Variants in FHL1 observed in about 807,000 individuals in gnomAD.
FHL1 encodes the protein four and a half LIM domains protein 1.
FHL1 carries 1 observed loss-of-function variant against 20.3 expected under a neutral mutation model. The ratio of observed to expected loss-of-function variants is 0.05; its 90% CI spans 0.02 to 0.23. The LOEUF is 0.23. FHL1 is among the 10% of genes least tolerant of loss of function. The pLI is 1.00. For synonymous variants in FHL1, 82 were observed against 88.9 expected (o/e 0.92, Z 0.44); for missense variants, 177 against 234.0 (o/e 0.76, Z 1.59).
rs763012291 is a variant in FHL1 at position 136,207,927 on chromosome X, C to T, written c.515C>T (p.Thr172Ile). The change falls in exon 4 of 6, where the codon ACC becomes ATC. Residue 172 changes from threonine to isoleucine, a missense_variant. By Grantham distance (89) the Thr-to-Ile change is moderately conservative (BLOSUM62 -1). Coordinates refer to ENST00000370683, the MANE Select transcript of FHL1 (RefSeq NM_001159699.2). ...EDFYCVTCHETKFAKHCVKCN... is the reference protein window; with the variant it reads ...EDFYCVTCHEIKFAKHCVKCN... ...TTCTACTGCGTGACTTGCCATGAGA[C>T]CAAGTTTGCCAAGCATTGCGTGAAG... 4 of 1,212,216 alleles carry T rather than the reference C, an allele frequency of 3.3e-6. No individual in the cohort carries two copies. The highest frequency in any genetic ancestry group is 4.5e-6 in the Non-Finnish European group (4 of 895,587).
chrX:136,208,783 C>G (rs1354654877), intron 5 of FHL1, 142 bp downstream of exon 5: 3 of 615,501 alleles, frequency 4.9e-6, no homozygotes, highest in Non-Finnish European at 8.0e-6. Context: ...CCAAAGGCCC[C>G]CCAAGAGTTT....
chrX:136,162,780 A>G (rs1215887797), intron 1 of FHL1, among the ~76,000 whole-genome samples: 3 of 112,071 alleles, frequency 2.7e-5, no homozygotes, highest in Middle Eastern at 4.6e-3. Flanking sequence ...AGCCTCTGCC[A>G]TACAATAGAT....
Position 136,206,471 on chromosome X carries a change from C to T in FHL1, c.87C>T (p.Pro29=). 8 of 1,212,390 alleles carry T rather than the reference C, an allele frequency of 6.6e-6. No homozygotes were observed. The highest frequency in any genetic ancestry group is 8.9e-6 in the Non-Finnish European group (8 of 895,638). The change falls in exon 2 of 6, where the codon CCC becomes CCT. Residue 29 remains proline (P), a synonymous_variant. Coordinates refer to ENST00000370683, the MANE Select transcript of FHL1 (RefSeq NM_001159699.2). The part of the protein sequence containing the change: ...EKFDCHYCRD[P]LQGKKYVQKD... ...TTGACTGCCACTACTGCAGGGATCC[C>T]TTGCAGGGGAAGAAGTATGTGCAAA...
At chrX:136,172,501 TCTCTA>T (rs762109375) in intron 2 of FHL1, among the ~76,000 whole-genome samples, 143 of 112,230 alleles carry the variant, frequency 1.3e-3, no homozygotes, top group Non-Finnish European at 2.4e-3. Context: ...CAAGTCCCCA[TCTCTA>T]CTCTATTCTT....
intron 2 of FHL1, among the ~76,000 whole-genome samples, chrX:136,186,881 TAGATAGATAGATAG>T (rs1404518654): frequency 1.5e-3 from 9 of 5,990 alleles, no homozygotes; most frequent in Admixed American, 2.7e-3. Context: ...TATATATATA[TAGATAGATAGATAG>T]ATAGATAGAT....
intron 4 of FHL1, 81 bp from the exon 5 acceptor site, chrX:136,208,374 C>G: frequency 9.4e-7 from 1 of 1,061,374 alleles, no homozygotes; most frequent in Non-Finnish European, 1.3e-6. Context: ...ACCAAAGCGC[C>G]CAGCACAGTG....
At chrX:136,150,166 C>A (rs1440136886) in intron 1 of FHL1, among the ~76,000 whole-genome samples, 1 of 112,188 alleles carries the variant, frequency 8.9e-6, no homozygotes, top group East Asian at 2.8e-4. Context: ...GGATCAAATT[C>A]TCTTGCTAGA....
intron 1 of FHL1, among the ~76,000 whole-genome samples, chrX:136,155,214 C>T: frequency 9.0e-6 from 1 of 111,455 alleles, no homozygotes. Context: ...TCACATTCAT[C>T]TGCCACTGCA....
intron 1 of FHL1, among the ~76,000 whole-genome samples, chrX:136,205,362 GACTC>G (rs1274156953): frequency 3.6e-5 from 4 of 111,489 alleles, no homozygotes; most frequent in Non-Finnish European, 7.5e-5. Context: ...ATTTTTTCCA[GACTC>G]TATTTTAAGA....
chrX:136,148,635 G>A (rs755268934), intron 1 of FHL1: 6 of 111,518 alleles, frequency 5.4e-5, no homozygotes, highest in Non-Finnish European at 1.1e-4. Context: ...TAGCGTCCAG[G>A]ACTAGGTAAA....
intron 2 of FHL1, among the ~76,000 whole-genome samples, chrX:136,189,171 G>T (rs1214995068): frequency 8.9e-6 from 1 of 112,094 alleles, no homozygotes; most frequent in East Asian, 2.8e-4. Flanking sequence ...CCCTTTCCTG[G>T]CAGGGAGGAT....
At chrX:136,198,989 T>C (rs1229991106) in intron 1 of FHL1, among the ~76,000 whole-genome samples, 2 of 111,612 alleles carry the variant, frequency 1.8e-5, no homozygotes, top group East Asian at 5.6e-4. Flanking sequence ...CTTCTTAAAA[T>C]ACAGAAGATT....
intron 5 of FHL1, chrX:136,209,162 G>A: frequency 1.0e-6 from 1 of 981,494 alleles, no homozygotes; most frequent in Admixed American, 2.9e-5. Flanking sequence ...CGTGCCCTGG[G>A]CCCTTTCCCT....
intron 3 of FHL1, chrX:136,207,402 C>T (rs958960449): frequency 2.0e-5 from 9 of 442,204 alleles, no homozygotes; most frequent in Non-Finnish European, 3.5e-5. Context: ...CTGGCGAGAA[C>T]AGCCTGTGGC....
intron 1 of FHL1, chrX:136,204,739 C>T (rs2073797398): frequency 8.9e-6 from 1 of 112,258 alleles, no homozygotes. Flanking sequence ...TGTTTGGAGG[C>T]TTGGTTCTGA....
chrX:136,186,570 T>G (rs1318901001), intron 2 of FHL1, among the ~76,000 whole-genome samples: 1 of 111,249 alleles, frequency 9.0e-6, no homozygotes, highest in Non-Finnish European at 1.9e-5. Context: ...AAAAAATGTA[T>G]ATATTTCAAG....
chrX:136,147,842 TGCGGGAC>T (rs1415573780), intron 1 of FHL1: 1 of 105,144 alleles, frequency 9.5e-6, no homozygotes, highest in Non-Finnish European at 2.0e-5. Flanking sequence ...GGCTGCGGGG[TGCGGGAC>T]GAGGGACTGC....
intron 2 of FHL1, among the ~76,000 whole-genome samples, chrX:136,173,174 A>G: frequency 8.8e-6 from 1 of 113,051 alleles, no homozygotes; most frequent in South Asian, 3.7e-4. Flanking sequence ...GCTTGAACAC[A>G]TAATTCTTAA....
chrX:136,200,771 G>T (rs1219300206), intron 1 of FHL1, among the ~76,000 whole-genome samples: 1 of 112,162 alleles, frequency 8.9e-6, no homozygotes, highest in Non-Finnish European at 1.9e-5. Context: ...GAATCTGTGG[G>T]TCTGTAGCAA....
Sources: gnomAD v4.1 joint callset for allele counts (sites outside exome capture counted in the v4.1 genomes callset) on GRCh38, gnomAD v4.1.1 for gene constraint, MANE v1.5 for transcripts, NCBI Gene and HGNC (gene_info 2026-07-23, HGNC 2026-07-21) for gene names.